EED: variants seen among roughly 807,000 people sequenced by gnomAD.
The protein encoded by EED is polycomb protein EED.
A neutral mutation model predicts 61.0 loss-of-function variants in EED; 9 were observed. The ratio of observed to expected loss-of-function variants is 0.15; its 90% CI spans 0.09 to 0.26. The LOEUF is 0.26. Among genes scored for constraint, EED ranks in the 10% least tolerant of loss-of-function variants. The pLI is 1.00. For synonymous variants in EED, 187 were observed against 174.4 expected (o/e 1.07, Z -0.57); for missense variants, 315 against 542.3 (o/e 0.58, Z 4.16).
Position 86,255,283 on chromosome 11 carries a change from C to T in EED, c.422C>T (p.Ala141Val). The T allele has an allele frequency of 6.2e-7, 1 of 1,606,650 alleles. No homozygotes were observed. The highest frequency in any genetic ancestry group is 8.5e-7 in the Non-Finnish European group (1 of 1,174,522). The change falls in exon 4 of 12, where the codon GCT becomes GTT. Residue 141 changes from alanine to valine, a missense_variant. This residue lies in a region of EED where 205 missense variants were observed against 455.4 expected (regional missense o/e 0.45). Coordinates refer to ENST00000263360, the MANE Select transcript of EED (RefSeq NM_003797.5). ...CGGTTGTTGCAATCTTACGTGGATG[C>T]TGATGTATCCTTTCCTGGGTTTTTA... ...EIRLLQSYVD[A>V]DADENFYTCA...
chr11:86,258,552 TTGG>T (rs1336620392), intron 6 of EED, among the ~76,000 whole-genome samples: 5 of 150,046 alleles, frequency 3.3e-5, no homozygotes, highest in East Asian at 4.0e-4. Context: ...TCTTTGTTTT[TTGG>T]TTTTTTTTTT....
intron 3 of EED, among the ~76,000 whole-genome samples, chr11:86,252,935 A>G (rs1174029381): frequency 1.3e-5 from 2 of 152,018 alleles, no homozygotes; most frequent in East Asian, 3.9e-4. Flanking sequence ...TTTTGTAGGG[A>G]TAGGTTTTCA....
chr11:86,286,979 A>AG, the EED span, among the ~76,000 whole-genome samples: 1 of 132,136 alleles, frequency 7.6e-6, no homozygotes, highest in African/African-American at 3.6e-5. Context: ...CTCAAAAAAA[A>AG]AAAAAAAAAA....
chr11:86,277,229 CTT>C, intron 10 of EED, 91 bp downstream of exon 10: 1 of 1,193,460 alleles, frequency 8.4e-7, no homozygotes, highest in Non-Finnish European at 1.1e-6. Flanking sequence ...GTTCTTTTTC[CTT>C]TACAAATCTA....
chr11:86,245,470 C>T (rs1945370510), intron 1 of EED, 127 bp downstream of exon 1: 17 of 778,570 alleles, frequency 2.2e-5, no homozygotes, highest in Middle Eastern at 3.3e-4. Flanking sequence ...AAAACGCGGG[C>T]GTGCGGGAGA....
At chr11:86,249,230 A>G (rs1945465217) in intron 1 of EED, among the ~76,000 whole-genome samples, 3 of 152,198 alleles carry the variant, frequency 2.0e-5, no homozygotes, top group Admixed American at 6.5e-5. Context: ...TTACAATTCA[A>G]ATATTTGTTG....
At chr11:86,255,457 T>A (rs150976136) in intron 4 of EED, among the ~76,000 whole-genome samples, 170 bp downstream of exon 4, 2,029 of 152,264 alleles carry the variant, frequency 0.013, 26 homozygotes, top group Non-Finnish European at 0.019. Flanking sequence ...CCCTTAGAAA[T>A]CCATTGTGGT....
rs1945356012 is a variant in EED at position 86,245,173 on chromosome 11, G to T, written c.-57G>T. On this transcript the variant is annotated 5_prime_UTR_variant, in exon 1 of 12. Coordinates refer to ENST00000263360, the MANE Select transcript of EED (RefSeq NM_003797.5). ...AAGCTCGGGCCGGGCTTGCTTGACG[G>T]CGGTGTGGCGGAGGCCCCGCCCCAG... 8 of 1,445,158 alleles carry T rather than the reference G, an allele frequency of 5.5e-6. No individual in the cohort carries two copies. The South Asian group carries it at 9.3e-5, about 17-fold the overall frequency. 89.5% of individuals were successfully genotyped at this position (1,445,158 alleles called of 1,614,324 possible). A position where few individuals can be genotyped will look rare whatever the true frequency, so the allele number is the denominator to read the frequency against.
chr11:86,272,917 C>T (rs919999033), intron 9 of EED, among the ~76,000 whole-genome samples: 2 of 152,120 alleles, frequency 1.3e-5, no homozygotes, highest in African/African-American at 4.8e-5. Context: ...TCATTTCTCT[C>T]TGAGTTTTTT....
At chr11:86,277,751 T>G in intron 10 of EED, 167 bp from the exon 11 acceptor site, 1 of 470,070 alleles carries the variant, frequency 2.1e-6, no homozygotes, top group Non-Finnish European at 3.5e-6. Context: ...TTAATTGCTC[T>G]TATTCATATT....
intron 9 of EED, chr11:86,276,732 T>C (rs982003423): frequency 3.4e-6 from 1 of 290,508 alleles, no homozygotes. Context: ...AATGTTGACT[T>C]CCAAAATGAA....
At chr11:86,276,470 G>A (rs983910734) in intron 9 of EED, 4 of 152,226 alleles carry the variant, frequency 2.6e-5, no homozygotes, top group African/African-American at 9.7e-5. Context: ...AGTACCTACT[G>A]TGTGGCACAG....
At chr11:86,258,100 C>T (rs1945723063) in intron 6 of EED, among the ~76,000 whole-genome samples, 4 of 151,954 alleles carry the variant, frequency 2.6e-5, no homozygotes, top group Admixed American at 1.3e-4. Context: ...CTCCTCCCAC[C>T]CTCTACCCTC....
chr11:86,264,037 A>G (rs1300428101), intron 6 of EED, 135 bp from the exon 7 acceptor site: 22 of 630,210 alleles, frequency 3.5e-5, no homozygotes, highest in Admixed American at 8.5e-5. Flanking sequence ...TTAAGTTGCT[A>G]TGTAATATGG....
intron 8 of EED, 25 bp downstream of exon 8, chr11:86,266,241 A>AT (rs1428552441): frequency 1.3e-6 from 2 of 1,563,854 alleles, no homozygotes; most frequent in East Asian, 4.6e-5. Flanking sequence ...ATTTGAAACA[A>AT]TTTGCTATGT....
intron 9 of EED, among the ~76,000 whole-genome samples, chr11:86,271,859 T>G (rs2138217507): frequency 6.6e-6 from 1 of 151,478 alleles, no homozygotes; most frequent in East Asian, 2.0e-4. Context: ...CTGTGTAATT[T>G]TTTGTATTGC....
Position 86,245,254 on chromosome 11 carries a change from G to T in EED, c.25G>T (p.Ala9Ser), listed in dbSNP as rs374657922. 14 of 1,613,306 alleles carry T rather than the reference G, an allele frequency of 8.7e-6. No individual in the cohort carries two copies. The East Asian group carries it at 1.3e-4, about 15-fold the overall frequency. ...TATGTCCGAGAGGGAAGTGTCGACT[G>T]CGCCGGCGGGAACAGACATGCCTGC... is the stretch of plus-strand genomic sequence containing the variant. MSEREVSTAPAGTDMPAAK... is the reference protein window; with the variant it reads MSEREVSTSPAGTDMPAAK... The change falls in exon 1 of 12, where the codon GCG (alanine) becomes TCG (serine). Residue 9 changes from alanine (A) to serine (S), a missense_variant. This residue lies in a region of EED where 110 missense variants were observed against 86.9 expected (regional missense o/e 1.27). Coordinates refer to ENST00000263360, the MANE Select transcript of EED (RefSeq NM_003797.5).
intron 2 of EED, among the ~76,000 whole-genome samples, chr11:86,251,647 C>G (rs1945533945): frequency 1.3e-5 from 2 of 152,142 alleles, no homozygotes; most frequent in Admixed American, 1.3e-4. Context: ...CCCCAGTGTT[C>G]AGATATTCTC....
At chr11:86,256,307 T>C (rs1267129558) in intron 4 of EED, 80 bp from the exon 5 acceptor site, 5 of 1,342,718 alleles carry the variant, frequency 3.7e-6, no homozygotes, top group Admixed American at 5.1e-5. Context: ...ACTTTAGCAG[T>C]TCTTTATAAG....
Sources: allele counts gnomAD v4.1 joint callset (sites outside exome capture counted in the v4.1 genomes callset), GRCh38; gene constraint gnomAD v4.1.1; regional missense constraint gnomAD v4.1.1; transcripts MANE v1.5; gene names NCBI Gene and HGNC (gene_info 2026-07-23, HGNC 2026-07-21).